ARHGEF26: variants seen among roughly 807,000 people sequenced by gnomAD.
ARHGEF26 encodes the protein Rho guanine nucleotide exchange factor 26.
A neutral mutation model predicts 89.4 loss-of-function variants in ARHGEF26; 59 were observed. The ratio of observed to expected loss-of-function variants is 0.66; its 90% confidence interval spans 0.54 to 0.82. The LOEUF (loss-of-function observed/expected upper bound fraction) is 0.82. ARHGEF26 is among the 40% of genes least tolerant of loss of function. ARHGEF26 has a pLI of 0.00. For missense variants in ARHGEF26, 1,234 were observed against 1,085.6 expected, an observed-to-expected ratio of 1.14 and a Z score of -1.92; for synonymous variants, 500 against 428.4, an observed-to-expected ratio of 1.17 and a Z score of -2.06.
intron 3 of ARHGEF26, among the ~76,000 whole-genome samples, chr3:154,127,423 C>G (rs1214910085): frequency 6.6e-6 from 1 of 152,046 alleles, no homozygotes; most frequent in African/African-American, 2.4e-5. Flanking sequence ...TAAACACATG[C>G]ATTAGCCTAG....
intron 11 of ARHGEF26, among the ~76,000 whole-genome samples, chr3:154,237,852 A>G (rs1717216620): frequency 6.6e-6 from 1 of 152,202 alleles, no homozygotes; most frequent in Non-Finnish European, 1.5e-5. Flanking sequence ...TTGTTTTTAA[A>G]CAGAAACAGG....
chr3:154,205,388 C>A (rs1212814571), intron 9 of ARHGEF26, among the ~76,000 whole-genome samples: 2 of 151,884 alleles, frequency 1.3e-5, no homozygotes, highest in African/African-American at 4.8e-5. Context: ...TGTTTTTAGC[C>A]TATGTGTGTC....
rs979345346 is a variant in ARHGEF26, at chr3:154,247,830, A to G, written c.2301-5286A>G. Among the ~76,000 whole-genome samples the G allele has an allele frequency of 3.3e-5, 5 of 152,238 alleles. No individual in the cohort carries two copies. The East Asian group carries it at 9.6e-4, about 29-fold the overall frequency. ...TGTGTTATATCTGTTTGTCCATGACAGGCCCTAAGTCATGGTATCGTCAAT... is the reference window on the plus strand; with the variant it reads ...TGTGTTATATCTGTTTGTCCATGACGGGCCCTAAGTCATGGTATCGTCAAT... On this transcript the variant is annotated intron_variant, in intron 12 of 14. Transcript: ENST00000465093.
At chr3:154,197,337 G>A (rs1287190563) in intron 9 of ARHGEF26, among the ~76,000 whole-genome samples, 1 of 152,000 alleles carries the variant, frequency 6.6e-6, no homozygotes, top group East Asian at 1.9e-4. Context: ...ATAGAATCTG[G>A]GAAAACAATA....
At chr3:154,210,517 G>T (rs982059854) in intron 9 of ARHGEF26, among the ~76,000 whole-genome samples, 1 of 151,676 alleles carries the variant, frequency 6.6e-6, no homozygotes, top group African/African-American at 2.4e-5. Context: ...GTTTCACCAT[G>T]CTGGCCAGGC....
chr3:154,213,364 C>G (rs1715511161), intron 9 of ARHGEF26, among the ~76,000 whole-genome samples: 1 of 151,964 alleles, frequency 6.6e-6, no homozygotes, highest in Non-Finnish European at 1.5e-5. Context: ...CAGTAATATA[C>G]TGAGGCTGCT....
At chr3:154,232,652 A>C (rs995316143) in intron 11 of ARHGEF26, among the ~76,000 whole-genome samples, 2 of 152,226 alleles carry the variant, frequency 1.3e-5, no homozygotes, top group African/African-American at 4.8e-5. Context: ...CATTTACTGT[A>C]AGTCAGGCAT....
intron 9 of ARHGEF26, 61 bp downstream of exon 9, chr3:154,194,779 A>C: frequency 7.1e-6 from 10 of 1,399,010 alleles, no homozygotes; most frequent in Non-Finnish European, 1.0e-5. Flanking sequence ...CTCAGACACA[A>C]AGTGTGTCTT....
At chr3:154,239,295 AGAGAGTGTGTGT>A (rs1559920597) in intron 11 of ARHGEF26, among the ~76,000 whole-genome samples, 26 of 58,758 alleles carry the variant, frequency 4.4e-4, no homozygotes, top group African/African-American at 1.0e-3. Flanking sequence ...AGAGAGAGAG[AGAGAGTGTGTGT>A]GTGTGTGTGT....
intron 11 of ARHGEF26, among the ~76,000 whole-genome samples, chr3:154,236,026 T>TA (rs748915675): frequency 4.1e-4 from 62 of 152,318 alleles, no homozygotes; most frequent in Admixed American, 7.2e-4. Flanking sequence ...GACAGAAACT[T>TA]AAAGGGCTTC....
chr3:154,253,824 G>A (rs1463276369), intron 13 of ARHGEF26, among the ~76,000 whole-genome samples: 2 of 152,082 alleles, frequency 1.3e-5, no homozygotes, highest in African/African-American at 4.8e-5. Context: ...TGTTATCCTG[G>A]AACACTCAAA....
In ARHGEF26 at chr3:154,217,817, G is replaced by A. The variant is rs369025719; in HGVS notation, c.1846-52G>A. On this transcript the variant is annotated intron_variant, in intron 9 of 14. Coordinates refer to ENST00000465093, the MANE Select transcript of ARHGEF26 (RefSeq NM_015595.4). ...TCCTGTGAGAGTTCTGCTTTTGAAAGTGAGGTTTCTCTCCTTGACCTTTAA... is the reference window on the plus strand; with the variant it reads ...TCCTGTGAGAGTTCTGCTTTTGAAAATGAGGTTTCTCTCCTTGACCTTTAA... 21 of 1,379,148 alleles carry A rather than the reference G, an allele frequency of 1.5e-5. 1 individual carries two copies. In the South Asian group the frequency reaches 2.1e-4, roughly 14 times the overall value. 85.4% of individuals were successfully genotyped at this position (1,379,148 alleles called of 1,614,324 possible).
chr3:154,150,477 A>C (rs1281362970), intron 5 of ARHGEF26, among the ~76,000 whole-genome samples: 3 of 152,172 alleles, frequency 2.0e-5, no homozygotes, highest in African/African-American at 7.2e-5. Flanking sequence ...ATGTATATGT[A>C]TGAGATTCTA....
chr3:154,166,801 A>T (rs2108129474), intron 6 of ARHGEF26, among the ~76,000 whole-genome samples: 1 of 152,298 alleles, frequency 6.6e-6, no homozygotes, highest in Non-Finnish European at 1.5e-5. Context: ...ACAACCACTG[A>T]AAGTAATAAA....
chr3:154,141,671 T>C (rs373219216), intron 4 of ARHGEF26, among the ~76,000 whole-genome samples: 1 of 152,242 alleles, frequency 6.6e-6, no homozygotes, highest in African/African-American at 2.4e-5. Flanking sequence ...TTTTACCTTA[T>C]AAACCAGTAT....
At chr3:154,184,826 A>G (rs1713419382) in intron 6 of ARHGEF26, among the ~76,000 whole-genome samples, 2 of 152,100 alleles carry the variant, frequency 1.3e-5, no homozygotes, top group South Asian at 2.1e-4. Flanking sequence ...CTTATTGTCT[A>G]CAGATTAATT....
intron 11 of ARHGEF26, among the ~76,000 whole-genome samples, chr3:154,239,299 A>AGAGAGTGTGTGT (rs1182446964): frequency 3.1e-5 from 2 of 64,256 alleles, no homozygotes; most frequent in African/African-American, 1.2e-4. Context: ...AGAGAGAGAG[A>AGAGAGTGTGTGT]GTGTGTGTGT....
chr3:154,256,257 C>CT lies in ARHGEF26; in HGVS notation c.*785dup. 11 of 985,270 alleles carry CT rather than the reference C, an allele frequency of 1.1e-5. No homozygotes were observed. Among genetic ancestry groups the CT allele is most frequent in the Non-Finnish European group, 1.3e-5 (11 of 829,820 alleles). The allele number at this position is 985,270 out of a possible 1,614,324, so 61.0% of individuals were successfully genotyped here. A position where few individuals can be genotyped will look rare whatever the true frequency, so the allele number is the denominator to read the frequency against. On this transcript the variant is annotated 3_prime_UTR_variant, in exon 15 of 15. Coordinates refer to ENST00000465093, the MANE Select transcript of ARHGEF26 (RefSeq NM_015595.4). ...AGGGGTCCTACTTTTTTCCCCACCTCTGTCGCCCAGGCTAGAGTATAGTGG... is the reference window on the plus strand; with the variant it reads ...AGGGGTCCTACTTTTTTCCCCACCTCTTGTCGCCCAGGCTAGAGTATAGTGG...
chr3:154,161,817 C>T (rs1391742239), intron 6 of ARHGEF26, among the ~76,000 whole-genome samples: 1 of 152,088 alleles, frequency 6.6e-6, no homozygotes, highest in Non-Finnish European at 1.5e-5. Flanking sequence ...TTTTTTCCAA[C>T]CAGCCTGGTG....
Sources: allele counts gnomAD v4.1 joint callset (sites outside exome capture counted in the v4.1 genomes callset), GRCh38; gene constraint gnomAD v4.1.1; transcripts MANE v1.5; gene names NCBI Gene and HGNC (gene_info 2026-07-23, HGNC 2026-07-21).